The following DUOX1 variants were observed in gnomAD, a reference collection of about 807,000 sequenced individuals.
The protein encoded by DUOX1 is NADPH thyroid oxidase 1.
Under a neutral mutation model 181.8 loss-of-function variants are expected in DUOX1, and 134 were observed. The ratio of observed to expected loss-of-function variants is 0.74; its 90% CI spans 0.64 to 0.85. DUOX1 has a LOEUF of 0.85. Ranked by LOEUF, DUOX1 falls within the 40% of genes least tolerant of loss-of-function variation. The pLI, the probability that DUOX1 is intolerant of heterozygous loss-of-function variation, is 0.00. For synonymous variants in DUOX1, 798 were observed against 832.5 expected (o/e 0.96, Z 0.71); for missense variants, 1,814 against 2,064.4 (o/e 0.88, Z 2.35).
At chr15:45,145,626 A>T (rs1295073751) in intron 18 of DUOX1, among the ~76,000 whole-genome samples, 3 of 152,134 alleles carry the variant, frequency 2.0e-5, no homozygotes, top group Non-Finnish European at 2.9e-5. Context: ...GTAGATAAAG[A>T]TAAATATGGT....
intron 31 of DUOX1, 24 bp downstream of exon 31, chr15:45,162,401 C>A (rs772843715): frequency 6.2e-7 from 1 of 1,607,486 alleles, no homozygotes; most frequent in Non-Finnish European, 8.5e-7. Flanking sequence ...CCACTTCCCA[C>A]CAACCCATGG....
rs528909318 is a variant in DUOX1 at position 45,151,720 on chromosome 15, A to G, written c.3015-154A>G. 112 of 740,094 alleles carry G rather than the reference A, an allele frequency of 1.5e-4. 3 individuals carry two copies. In the South Asian group the frequency reaches 2.0e-3, roughly 13 times the overall value. The allele number at this position is 740,094 out of a possible 1,614,324, so 45.8% of individuals were successfully genotyped here. The stretch of plus-strand genomic sequence containing the variant: ...CAGTGCAATATAGCCTGATGCGGTG[A>G]GGTCTGAACCCTTCTTCCACAAGGG... On this transcript the variant is annotated intron_variant, in intron 23 of 33. Transcript: ENST00000389037.
intron 18 of DUOX1, among the ~76,000 whole-genome samples, chr15:45,146,724 G>A (rs1339660866): frequency 6.6e-6 from 1 of 152,180 alleles, no homozygotes; most frequent in Non-Finnish European, 1.5e-5. Flanking sequence ...GTTTGAAGCT[G>A]TAAGGTTTAC....
rs144404869 is a variant in DUOX1 at position 45,144,856 on chromosome 15, C to G, written c.2137-39C>G. 1.4e-4 allele frequency: 218 copies of G among 1,567,658 alleles called. No homozygotes were observed. In the East Asian group the frequency reaches 4.4e-3, roughly 32 times the overall value. ...CATAAACTGCCTAACCTCAAGAGGC[C>G]TTGGCAAATGGTTGCTTTTGCTCGG... On this transcript the variant is annotated intron_variant, in intron 17 of 33. Transcript: ENST00000389037.
intron 24 of DUOX1, 55 bp downstream of exon 24, chr15:45,152,107 C>T (rs1445520382): frequency 2.5e-6 from 4 of 1,585,480 alleles, no homozygotes; most frequent in African/African-American, 1.3e-5. Flanking sequence ...TGAGTGATCG[C>T]CCTGGGGGTG....
chr15:45,151,282 T>G lies in DUOX1; in HGVS notation c.3014+34T>G, dbSNP rs761423034. 2.5e-6 allele frequency: 4 copies of G among 1,605,596 alleles called. No homozygotes were observed. In the African/African-American group the frequency reaches 5.4e-5, roughly 21 times the overall value. On this transcript the variant is annotated intron_variant, in intron 23 of 33. Transcript: ENST00000389037. ...GCTCTTCCCCTTAAGCCCAGGCAGT[T>G]CATCCATTCCTTCAGCTTATAAACA...
chr15:45,155,814 T>C lies in DUOX1; in HGVS notation c.3587T>C (p.Val1196Ala), dbSNP rs1216090516. Residue 1196 changes from valine to alanine, a missense_variant, in exon 28 of 34, where the codon GTT (valine) becomes GCT (alanine). Val to Ala is a moderately conservative substitution (Grantham distance 64). Transcript: ENST00000389037. ...ATTCATTTTGCAGGCCTCACGGGGGTTGTGCTGCTCCTGATCCTGGCCATC... is the reference window on the plus strand; with the variant it reads ...ATTCATTTTGCAGGCCTCACGGGGGCTGTGCTGCTCCTGATCCTGGCCATC... ...FFQTVPGLTG[V>A]VLLLILAIMY... The C allele has an allele frequency of 6.2e-7, 1 of 1,613,694 alleles. No individual in the cohort carries two copies. The highest frequency in any genetic ancestry group is 2.2e-5 in the East Asian group (1 of 44,866).
chr15:45,134,921 A>G (rs1896248046), intron 4 of DUOX1, among the ~76,000 whole-genome samples, 183 bp from the exon 5 acceptor site: 1 of 152,182 alleles, frequency 6.6e-6, no homozygotes, highest in South Asian at 2.1e-4. Context: ...GATCAGGTGT[A>G]GGCACAGAGG....
chr15:45,150,746 G>A (rs755893547), intron 22 of DUOX1, 45 bp downstream of exon 22: 3 of 1,580,992 alleles, frequency 1.9e-6, no homozygotes, highest in Non-Finnish European at 2.6e-6. Flanking sequence ...TTGGGGAGTT[G>A]CCATTTCTCT....
intron 12 of DUOX1, chr15:45,140,130 G>C (rs1896453180): frequency 9.2e-7 from 1 of 1,089,506 alleles, no homozygotes; most frequent in Admixed American, 1.9e-5. Flanking sequence ...TGCTGAACAG[G>C]GGTCCTGTTC....
rs1385877454 is a variant in DUOX1 at position 45,137,972 on chromosome 15, C to T, written c.1071C>T (p.Val357=). ...GGGTCATCAATCGGAACTCAAGTGT[C>T]TCCAGAGCTCTCCGGGTCTGCAACA... is the stretch of plus-strand genomic sequence containing the variant. ...FQGVINRNSS[V]SRALRVCNSY... The change falls in exon 10 of 34, where the codon GTC becomes GTT. Residue 357 remains valine, a synonymous_variant. Transcript: ENST00000389037. 6.2e-7 allele frequency: 1 copy of T among 1,611,286 alleles called. No homozygotes were observed. The highest frequency in any genetic ancestry group is 8.5e-7 in the Non-Finnish European group (1 of 1,178,396).
chr15:45,162,099 C>T (rs939452974), intron 30 of DUOX1, 120 bp from the exon 31 acceptor site: 4 of 1,482,360 alleles, frequency 2.7e-6, no homozygotes, highest in Non-Finnish European at 3.7e-6. Context: ...CCAGATAATG[C>T]CACAAATCCT....
Position 45,141,830 on chromosome 15 carries a change from A to G in DUOX1, c.1685-145A>G, listed in dbSNP as rs1896500975. On this transcript the variant is annotated intron_variant, in intron 14 of 33. Coordinates refer to ENST00000389037, the MANE Select transcript of DUOX1 (RefSeq NM_175940.3). ...AGATGGAGGTTGGGATTCATTTTTT[A>G]CCCCACTTGTTACCCAAGGCAGCCC... is the stretch of plus-strand genomic sequence containing the variant. 3 of 766,092 alleles carry G rather than the reference A, an allele frequency of 3.9e-6. No individual in the cohort carries two copies. The African/African-American group carries it at 5.3e-5, about 14-fold the overall frequency. 47.5% of individuals were successfully genotyped at this position (766,092 alleles called of 1,614,324 possible). A position where few individuals can be genotyped will look rare whatever the true frequency, so the allele number is the denominator to read the frequency against.
At chr15:45,152,992 G>T in intron 25 of DUOX1, 2 of 294,780 alleles carry the variant, frequency 6.8e-6, no homozygotes, top group South Asian at 8.0e-5. Context: ...AAGCTGAGGC[G>T]GGCGGATCAC....
chr15:45,149,739 G>C (rs1280468957), intron 21 of DUOX1, among the ~76,000 whole-genome samples: 1 of 152,126 alleles, frequency 6.6e-6, no homozygotes. Context: ...GTAGTCCCAA[G>C]TACTCCAGAG....
chr15:45,160,148 TCCC>T (rs906995051), intron 28 of DUOX1, among the ~76,000 whole-genome samples: 15 of 151,802 alleles, frequency 9.9e-5, no homozygotes, highest in African/African-American at 3.4e-4. Context: ...TGAGACTCTG[TCCC>T]CCCAACCCCC....
chr15:45,150,597 C>T, intron 21 of DUOX1, 35 bp from the exon 22 acceptor site: 2 of 1,607,942 alleles, frequency 1.2e-6, no homozygotes, highest in East Asian at 2.2e-5. Flanking sequence ...GGCTCTGGAC[C>T]CTGAGCTGCT....
At chr15:45,152,183 G>T in intron 24 of DUOX1, 103 bp from the exon 25 acceptor site, 1 of 1,467,532 alleles carries the variant, frequency 6.8e-7, no homozygotes, top group East Asian at 2.4e-5. Flanking sequence ...GACTGTGCGG[G>T]GGAGGCCTGT....
At position 45,136,728 on chromosome 15, in the gene DUOX1, T is replaced by A. The variant is rs138184170; in HGVS notation, c.1022+103T>A. The A allele has an allele frequency of 3.9e-5, 42 of 1,076,990 alleles. 1 individual carries two copies. The highest frequency in any genetic ancestry group is 1.5e-5 in the Non-Finnish European group (11 of 714,136). 66.7% of individuals were successfully genotyped at this position (1,076,990 alleles called of 1,614,324 possible). A position where few individuals can be genotyped will look rare whatever the true frequency, so the allele number is the denominator to read the frequency against. ...TCTGTACAGGATTATCAGTCTGAAG[T>A]GTCCCCAAGGGAAAGACCGATAGAG... On this transcript the variant is annotated intron_variant, in intron 9 of 33. Coordinates refer to ENST00000389037, the MANE Select transcript of DUOX1 (RefSeq NM_175940.3).
Sources: gnomAD v4.1 joint callset for allele counts (sites outside exome capture counted in the v4.1 genomes callset) on GRCh38, gnomAD v4.1.1 for gene constraint, MANE v1.5 for transcripts, NCBI Gene and HGNC (gene_info 2026-07-23, HGNC 2026-07-21) for gene names.